Variants in MAML3 observed in about 807,000 individuals in gnomAD.
The protein encoded by MAML3 is mastermind-like protein 3.
In MAML3, 27 loss-of-function variants were observed where a neutral mutation model predicts 101.9. That is an observed-to-expected ratio of 0.27 (90% CI 0.20 to 0.37). The LOEUF is 0.37. MAML3 is among the 10% of genes least tolerant of loss of function. The pLI, the probability that MAML3 is intolerant of heterozygous loss-of-function variation, is 1.00. For synonymous variants in MAML3, 501 were observed against 555.9 expected (o/e 0.90, Z 1.39); for missense variants, 1,316 against 1,444.9 (o/e 0.91, Z 1.45).
chr4:139,861,298 T>A (rs137898603), intron 2 of MAML3, among the ~76,000 whole-genome samples: 1 of 152,120 alleles, frequency 6.6e-6, no homozygotes, highest in Non-Finnish European at 1.5e-5. Context: ...CCTCAACTCA[T>A]TCTCTTCTCC....
intron 1 of MAML3, among the ~76,000 whole-genome samples, chr4:140,020,260 C>G (rs968011449): frequency 6.6e-6 from 1 of 152,048 alleles, no homozygotes; most frequent in Non-Finnish European, 1.5e-5. Context: ...ATGTAAATGT[C>G]CTAATGCAAA....
chr4:139,998,661 T>C (rs1734865471), intron 1 of MAML3, among the ~76,000 whole-genome samples: 1 of 152,200 alleles, frequency 6.6e-6, no homozygotes, highest in South Asian at 2.1e-4. Context: ...ATAATATTTG[T>C]TGAAAATGGA....
chr4:139,949,092 T>G (rs1267535943), intron 1 of MAML3, among the ~76,000 whole-genome samples: 1 of 152,190 alleles, frequency 6.6e-6, no homozygotes, highest in East Asian at 1.9e-4. Context: ...CTCGGCTCAC[T>G]GCAACCTCCG....
At chr4:140,149,097 A>G (rs1560908967) in intron 1 of MAML3, among the ~76,000 whole-genome samples, 1 of 152,232 alleles carries the variant, frequency 6.6e-6, no homozygotes, top group Non-Finnish European at 1.5e-5. Context: ...CCAGGACCTC[A>G]GTTCCAAATA....
intron 1 of MAML3, among the ~76,000 whole-genome samples, chr4:140,039,092 C>T (rs1214773499): frequency 6.6e-6 from 1 of 151,776 alleles, no homozygotes; most frequent in Non-Finnish European, 1.5e-5. Context: ...CACTGCACTC[C>T]AGCCTGAGAG....
chr4:139,981,438 T>C (rs569642742), intron 1 of MAML3, among the ~76,000 whole-genome samples: 186 of 152,332 alleles, frequency 1.2e-3, no homozygotes, highest in Middle Eastern at 3.4e-3. Flanking sequence ...TAAATAGTTT[T>C]AGATGTAAAG....
intron 1 of MAML3, among the ~76,000 whole-genome samples, chr4:139,895,102 C>G (rs1292564162): frequency 1.3e-5 from 2 of 152,220 alleles, no homozygotes; most frequent in Non-Finnish European, 2.9e-5. Context: ...CAAGACCATA[C>G]AGTCAGGCAG....
rs1732428365 is a variant in MAML3 at position 139,889,884 on chromosome 4, A to T, written c.1552T>A (p.Trp518Arg). Residue 518 changes from tryptophan (W) to arginine (R), a missense_variant, in exon 2 of 5, where the codon TGG (tryptophan) becomes AGG (arginine). Trp to Arg is a moderately radical substitution (Grantham distance 101). Coordinates refer to ENST00000509479, the MANE Select transcript of MAML3 (RefSeq NM_018717.5). ...QQQHSNQTSN[W>R]SPLGPPSSPY... is the part of the protein sequence containing the mutation. The stretch of plus-strand genomic sequence containing the variant: ...CTAGAGGGAGGTCCTAAGGGAGACC[A>T]ATTTGAAGTCTGATTTGAGTGCTGT... 1 of 1,612,506 alleles carries T rather than the reference A, an allele frequency of 6.2e-7. No homozygotes were observed. The highest frequency in any genetic ancestry group is 8.5e-7 in the Non-Finnish European group (1 of 1,179,686).
At chr4:140,126,174 TAAAA>T (rs542556461) in intron 1 of MAML3, among the ~76,000 whole-genome samples, 2 of 134,774 alleles carry the variant, frequency 1.5e-5, no homozygotes, top group Non-Finnish European at 3.2e-5. Flanking sequence ...AAGCATTGTT[TAAAA>T]AAAAAAAAAA....
intron 2 of MAML3, among the ~76,000 whole-genome samples, chr4:139,879,525 G>GAAAAAAAAA (rs5862443): frequency 8.6e-6 from 1 of 115,670 alleles, no homozygotes; most frequent in African/African-American, 3.5e-5. Flanking sequence ...GGCTCTGACT[G>GAAAAAAAAA]AAAAAAAAAA....
intron 1 of MAML3, among the ~76,000 whole-genome samples, chr4:139,980,556 G>A (rs17005337): frequency 0.032 from 4,835 of 152,184 alleles, 97 homozygotes; most frequent in Non-Finnish European, 0.046. Flanking sequence ...TCTAGATCCC[G>A]GTTAACTTAG....
At chr4:139,911,223 CT>C (rs111860171) in intron 1 of MAML3, among the ~76,000 whole-genome samples, 161 of 145,202 alleles carry the variant, frequency 1.1e-3, no homozygotes, top group Middle Eastern at 7.2e-3. Flanking sequence ...TCAGAATTTC[CT>C]TTTTTTTTTT....
chr4:140,020,345 A>G (rs985034286), intron 1 of MAML3, among the ~76,000 whole-genome samples: 2 of 152,150 alleles, frequency 1.3e-5, no homozygotes, highest in Non-Finnish European at 2.9e-5. Flanking sequence ...AACAGTAGAT[A>G]TTTTAAAAGA....
At chr4:140,040,132 T>C (rs578075918) in intron 1 of MAML3, among the ~76,000 whole-genome samples, 1 of 152,172 alleles carries the variant, frequency 6.6e-6, no homozygotes, top group African/African-American at 2.4e-5. Context: ...TATTTACTTA[T>C]ATCTGGTCTC....
intron 2 of MAML3, among the ~76,000 whole-genome samples, chr4:139,766,626 T>A (rs1729866085): frequency 6.6e-6 from 1 of 152,136 alleles, no homozygotes; most frequent in Admixed American, 6.5e-5. Context: ...TTCTCTGGAG[T>A]ACAGCAATAG....
At chr4:139,790,110 G>T (rs1730378467) in intron 2 of MAML3, among the ~76,000 whole-genome samples, 1 of 151,282 alleles carries the variant, frequency 6.6e-6, no homozygotes, top group Admixed American at 6.6e-5. Context: ...TGAGGATGGT[G>T]TTCTCATCTC....
intron 1 of MAML3, chr4:140,134,491 C>T (rs1184041144): frequency 2.6e-6 from 1 of 390,168 alleles, no homozygotes; most frequent in Non-Finnish European, 5.1e-6. Context: ...CACTTAAAAA[C>T]ATTTTTTCAA....
At chr4:139,721,046 T>A (rs1728212005) in intron 4 of MAML3, among the ~76,000 whole-genome samples, 1 of 152,238 alleles carries the variant, frequency 6.6e-6, no homozygotes. Flanking sequence ...ACTGGCCAGC[T>A]TCCTGAGCTA....
At chr4:139,796,515 T>G (rs1223385396) in intron 2 of MAML3, among the ~76,000 whole-genome samples, 2 of 152,186 alleles carry the variant, frequency 1.3e-5, no homozygotes, top group Non-Finnish European at 2.9e-5. Flanking sequence ...TTAAATGTCC[T>G]CCAGGCTAGA....
Sources: gnomAD v4.1 joint callset for allele counts (sites outside exome capture counted in the v4.1 genomes callset) on GRCh38, gnomAD v4.1.1 for gene constraint, MANE v1.5 for transcripts, NCBI Gene and HGNC (gene_info 2026-07-23, HGNC 2026-07-21) for gene names.